The following KIF23 variants were observed in gnomAD, a reference collection of about 807,000 sequenced individuals.
KIF23 encodes the protein kinesin family member 23, also known as kinesin-like protein KIF23.
Under a neutral mutation model 137.5 loss-of-function variants are expected in KIF23, and 30 were observed. The observed-to-expected ratio is 0.22, with a 90% CI of 0.16 to 0.30. The LOEUF is 0.30. Ranked by LOEUF, KIF23 falls within the 10% of genes least tolerant of loss-of-function variation. The pLI, the probability that KIF23 is intolerant of heterozygous loss-of-function variation, is 1.00. For synonymous variants in KIF23, 367 were observed against 391.1 expected, an observed-to-expected ratio of 0.94 and a Z score of 0.73; for missense variants, 920 against 1,194.3, an observed-to-expected ratio of 0.77 and a Z score of 3.38.
chr15:69,434,651 G>C (rs2057429672), intron 11 of KIF23: 1 of 1,470,688 alleles, frequency 6.8e-7, no homozygotes, highest in Non-Finnish European at 9.5e-7. Context: ...AGTCATGGAG[G>C]ATGTCTCACC....
intron 15 of KIF23, among the ~76,000 whole-genome samples, chr15:69,437,517 A>G (rs910166318): frequency 5.5e-5 from 8 of 146,318 alleles, no homozygotes; most frequent in Admixed American, 1.4e-4. Context: ...TTGGAGTGCA[A>G]TGGCGCAATC....
chr15:69,428,682 A>C (rs1263770671), intron 10 of KIF23, among the ~76,000 whole-genome samples: 1 of 151,672 alleles, frequency 6.6e-6, no homozygotes, highest in African/African-American at 2.4e-5. Flanking sequence ...AAAAAAAAAA[A>C]AAACAAAAGA....
At chr15:69,428,740 TAGA>T (rs1008545518) in intron 10 of KIF23, among the ~76,000 whole-genome samples, 3 of 151,504 alleles carry the variant, frequency 2.0e-5, no homozygotes, top group Admixed American at 6.6e-5. Flanking sequence ...TATCTGATTA[TAGA>T]AGAATTTAGG....
chr15:69,426,410 A>G lies in KIF23; in HGVS notation c.964A>G (p.Lys322Glu). 1 of 1,614,164 alleles carries G rather than the reference A, an allele frequency of 6.2e-7. No individual in the cohort carries two copies. Among genetic ancestry groups the G allele is most frequent in the South Asian group, 1.1e-5 (1 of 91,078 alleles). ...CCGTTCCCATAGCGTGTTCAACATT[A>G]AATTAGTTCAGGCTCCCTTGGATGC... ...SSRSHSVFNI[K>E]LVQAPLDADG... Residue 322 changes from lysine (K) to glutamate (E), a missense_variant, in exon 10 of 24, where the codon AAA (lysine) becomes GAA (glutamate). Lys to Glu is a moderately conservative substitution (Grantham distance 56, BLOSUM62 1). This residue lies in a region of KIF23 where 714 missense variants were observed against 866.2 expected (regional missense o/e 0.82). Coordinates refer to ENST00000679126, the MANE Select transcript of KIF23 (RefSeq NM_001367805.3).
At chr15:69,446,235 C>T in intron 21 of KIF23, 48 bp from the exon 22 acceptor site, 1 of 1,551,076 alleles carries the variant, frequency 6.4e-7, no homozygotes, top group Non-Finnish European at 8.9e-7. Context: ...TATTTTTCCT[C>T]TTCTTAGATG....
In KIF23 at chr15:69,417,495, A is replaced by G; in HGVS notation, c.194A>G (p.Asn65Ser). Residue 65 changes from asparagine to serine, a missense_variant, in exon 3 of 24, where the codon AAT (asparagine) becomes AGT (serine). By Grantham distance (46) the Asn-to-Ser change is conservative (BLOSUM62 1). Around this residue, in one of 4 missense-constraint regions of KIF23, gnomAD observed 124 missense variants for 122.0 expected, o/e 1.02. Transcript: ENST00000679126. ...CCTGAGGGCTACAGACTCAACCGAA[A>G]TGGAGACTATAAGGAGGTAATTCTG... ...HTPEGYRLNR[N>S]GDYKETQYSF... 1 of 1,613,538 alleles carries G rather than the reference A, an allele frequency of 6.2e-7. No individual in the cohort carries two copies. The highest frequency in any genetic ancestry group is 8.5e-7 in the Non-Finnish European group (1 of 1,179,774).
intron 3 of KIF23, among the ~76,000 whole-genome samples, chr15:69,421,010 CTA>C (rs1428494760): frequency 1.3e-5 from 2 of 152,204 alleles, no homozygotes; most frequent in African/African-American, 4.8e-5. Context: ...AAATCTGTGA[CTA>C]TGAATCGTTA....
rs367776466 is a variant in KIF23 at position 69,440,113 on chromosome 15, G to A, written c.1929+36G>A. ...TTTGGGTAGTGCTTGTCTCAGAGTC[G>A]GATGATTTATTTTACATTGTAGTTA... On this transcript the variant is annotated intron_variant, in intron 17 of 23. Transcript: ENST00000679126. 5.3e-5 allele frequency: 85 copies of A among 1,593,694 alleles called. 1 individual carries two copies. The African/African-American group carries it at 6.5e-4, about 12-fold the overall frequency.
chr15:69,435,419 C>T, intron 11 of KIF23, 64 bp from the exon 12 acceptor site: 1 of 1,288,582 alleles, frequency 7.8e-7, no homozygotes, highest in Non-Finnish European at 1.1e-6. Flanking sequence ...TATAGGCAAA[C>T]AGAACACACT....
intron 19 of KIF23, among the ~76,000 whole-genome samples, chr15:69,441,312 T>C (rs762676013): frequency 6.6e-6 from 1 of 152,202 alleles, no homozygotes; most frequent in East Asian, 1.9e-4. Context: ...CAGGTCAGTT[T>C]GGTGCATCCC....
intron 17 of KIF23, 45 bp downstream of exon 17, chr15:69,440,122 A>C (rs769634141): frequency 6.9e-6 from 11 of 1,589,572 alleles, no homozygotes; most frequent in Non-Finnish European, 9.4e-6. Context: ...CGGATGATTT[A>C]TTTTACATTG....
intron 11 of KIF23, among the ~76,000 whole-genome samples, chr15:69,431,518 G>T (rs2057354803): frequency 6.6e-6 from 1 of 152,168 alleles, no homozygotes; most frequent in African/African-American, 2.4e-5. Flanking sequence ...GGAGCCTGAG[G>T]CAGGAGAATG....
chr15:69,427,145 TA>T (rs1437035773), intron 10 of KIF23, among the ~76,000 whole-genome samples: 1 of 151,464 alleles, frequency 6.6e-6, no homozygotes, highest in Non-Finnish European at 1.5e-5. Context: ...GGCTAAAAAA[TA>T]AAAAAATAAA....
Position 69,439,916 on chromosome 15 carries a change from G to C in KIF23, c.1768G>C (p.Glu590Gln). ...KTLEYKIEIL[E>Q]KTTTIYEEDK... Reference sequence around the variant, plus strand: ...TCTACCTTCCTAGATTGAGATTTTAGAGAAAACAACTACTATCTATGAGGA... The same window carrying C: ...TCTACCTTCCTAGATTGAGATTTTACAGAAAACAACTACTATCTATGAGGA... Residue 590 changes from glutamate to glutamine, a missense_variant, in exon 17 of 24, where the codon GAG becomes CAG. Physicochemically the swap from Glu to Gln is conservative, Grantham distance 29. This residue lies in a region of KIF23 where 714 missense variants were observed against 866.2 expected (regional missense o/e 0.82). Coordinates refer to ENST00000679126, the MANE Select transcript of KIF23 (RefSeq NM_001367805.3). 1 of 1,611,162 alleles carries C rather than the reference G, an allele frequency of 6.2e-7. No homozygotes were observed. Among genetic ancestry groups the C allele is most frequent in the Non-Finnish European group, 8.5e-7 (1 of 1,178,872 alleles).
chr15:69,447,305 T>C (rs2057761241), intron 23 of KIF23, among the ~76,000 whole-genome samples: 1 of 152,168 alleles, frequency 6.6e-6, no homozygotes. Flanking sequence ...AATCATTGTT[T>C]CCTGACTTGC....
chr15:69,423,457 A>ACAAATT, intron 7 of KIF23, 128 bp downstream of exon 7: 1 of 604,764 alleles, frequency 1.7e-6, no homozygotes, highest in Non-Finnish European at 2.7e-6. Context: ...GAAATGATAT[A>ACAAATT]ATTTGTATAT....
intron 3 of KIF23, 27 bp from the exon 4 acceptor site, chr15:69,421,620 T>G: frequency 7.3e-7 from 1 of 1,363,582 alleles, no homozygotes; most frequent in South Asian, 1.2e-5. Flanking sequence ...GGAATTCTAT[T>G]TAGTGCATTT....
intron 20 of KIF23, 80 bp downstream of exon 20, chr15:69,445,121 T>G: frequency 1.5e-6 from 2 of 1,332,582 alleles, no homozygotes; most frequent in Non-Finnish European, 2.0e-6. Context: ...ACTCCTTTGG[T>G]GACACACAGG....
At position 69,416,646 on chromosome 15, in the gene KIF23, T is replaced by C. The variant is rs1489967776; in HGVS notation, c.81+583T>C. Among the ~76,000 whole-genome samples, 6 of 152,264 alleles carry C rather than the reference T, an allele frequency of 3.9e-5. No individual in the cohort carries two copies. The East Asian group carries it at 1.2e-3, about 29-fold the overall frequency. Reference sequence around the variant, plus strand: ...CTGAATGAGTTTTCCTCAAGCCCCCTCCCCTGCTTTCAAAAATGTCTCTGT... The same window carrying C: ...CTGAATGAGTTTTCCTCAAGCCCCCCCCCCTGCTTTCAAAAATGTCTCTGT... On this transcript the variant is annotated intron_variant, in intron 2 of 23. Transcript: ENST00000679126.
Sources: gnomAD v4.1 joint callset for allele counts (sites outside exome capture counted in the v4.1 genomes callset) on GRCh38, gnomAD v4.1.1 for gene constraint, gnomAD v4.1.1 regional missense constraint, MANE v1.5 for transcripts, NCBI Gene and HGNC (gene_info 2026-07-23, HGNC 2026-07-21) for gene names.